ZNF385D: variants seen among roughly 807,000 people sequenced by gnomAD.
ZNF385D encodes zinc finger protein 659.
A neutral mutation model predicts 35.8 loss-of-function variants in ZNF385D; 15 were observed. The observed-to-expected ratio is 0.42, with a 90% confidence interval of 0.28 to 0.64. The LOEUF (loss-of-function observed/expected upper bound fraction) is 0.64. Among genes scored for constraint, ZNF385D ranks in the 30% least tolerant of loss-of-function variants. The pLI, the probability that ZNF385D is intolerant of heterozygous loss-of-function variation, is 0.23. For missense variants in ZNF385D, 474 were observed against 494.6 expected (o/e 0.96, Z 0.39); for synonymous variants, 212 against 186.8 (o/e 1.13, Z -1.10).
At chr3:21,693,046 A>G (rs1383214828) in intron 1 of ZNF385D, among the ~76,000 whole-genome samples, 1 of 152,172 alleles carries the variant, frequency 6.6e-6, no homozygotes, top group Admixed American at 6.5e-5. Flanking sequence ...ATTTGTGGCA[A>G]CTAGCATCAC....
chr3:21,482,293 T>C (rs977287618), intron 4 of ZNF385D, among the ~76,000 whole-genome samples: 1 of 106,272 alleles, frequency 9.4e-6, no homozygotes, highest in Non-Finnish European at 2.1e-5. Context: ...TAATACACTG[T>C]CTGTTTTTCT....
intron 3 of ZNF385D, among the ~76,000 whole-genome samples, chr3:21,759,932 C>T (rs1338196930): frequency 1.3e-5 from 2 of 152,236 alleles, no homozygotes; most frequent in Non-Finnish European, 2.9e-5. Flanking sequence ...CCCAATGTTG[C>T]AAGAATTCAC....
At position 21,851,763 on chromosome 3, in the gene ZNF385D, T is replaced by C. The variant is rs187020768; in HGVS notation, c.326-186735A>G. Among the ~76,000 whole-genome samples the C allele has an allele frequency of 9.5e-4, 145 of 152,168 alleles. 2 individuals carry two copies. Among genetic ancestry groups the C allele is most frequent in the Admixed American group, 9.4e-3 (144 of 15,264 alleles). The stretch of plus-strand genomic sequence containing the variant: ...GCATTTAAAAAGGTGCCAACTCAAC[T>C]ATGAGGCCAGTCAGTCTGTAGTCTC... On this transcript the variant is annotated intron_variant, in intron 3 of 5. Coordinates refer to the ZNF385D transcript ENST00000494108.
chr3:22,370,329 G>A (rs994464839), intron 2 of ZNF385D, among the ~76,000 whole-genome samples: 4 of 152,256 alleles, frequency 2.6e-5, no homozygotes, highest in Admixed American at 2.6e-4. Flanking sequence ...GGGCTATAAT[G>A]TAGCACTATT....
chr3:21,717,723 A>C (rs2125438169), intron 1 of ZNF385D, among the ~76,000 whole-genome samples: 1 of 151,748 alleles, frequency 6.6e-6, no homozygotes, highest in South Asian at 2.1e-4. Context: ...ATAAAGGGAA[A>C]CCCCTTTCAC....
chr3:21,633,971 G>A (rs1473854931), intron 2 of ZNF385D, among the ~76,000 whole-genome samples: 1 of 151,948 alleles, frequency 6.6e-6, no homozygotes, highest in African/African-American at 2.4e-5. Context: ...TCAGGCAGGT[G>A]GATTGCTTGA....
At chr3:22,156,072 G>C (rs1408232244) in intron 3 of ZNF385D, among the ~76,000 whole-genome samples, 1 of 152,010 alleles carries the variant, frequency 6.6e-6, no homozygotes, top group Non-Finnish European at 1.5e-5. Flanking sequence ...TATGTGACTT[G>C]TATGGGAAAA....
chr3:22,094,562 G>A (rs1178438940), intron 3 of ZNF385D, among the ~76,000 whole-genome samples: 1 of 151,714 alleles, frequency 6.6e-6, no homozygotes, highest in Non-Finnish European at 1.5e-5. Context: ...AAGCAGAGGT[G>A]GAAGGAAGAA....
chr3:22,000,423 T>A (rs1469316013), intron 3 of ZNF385D, among the ~76,000 whole-genome samples: 1 of 152,104 alleles, frequency 6.6e-6, no homozygotes, highest in Admixed American at 6.5e-5. Flanking sequence ...CATGGCAATG[T>A]CAGGAAGTTA....
At chr3:21,770,073 T>C (rs9852172) in intron 3 of ZNF385D, among the ~76,000 whole-genome samples, 41,310 of 151,962 alleles carry the variant, frequency 0.27, 6,102 homozygotes, top group East Asian at 0.41. Flanking sequence ...TTATACCTTA[T>C]ACAAAAATTA....
intron 3 of ZNF385D, among the ~76,000 whole-genome samples, chr3:21,956,711 T>C (rs1702310616): frequency 6.6e-6 from 1 of 151,904 alleles, no homozygotes; most frequent in African/African-American, 2.4e-5. Context: ...GTGTTATGGC[T>C]AAACATAATC....
intron 2 of ZNF385D, among the ~76,000 whole-genome samples, chr3:22,213,968 C>T (rs970602204): frequency 2.6e-5 from 4 of 151,936 alleles, no homozygotes; most frequent in East Asian, 1.9e-4. Flanking sequence ...TAGTAAAGAC[C>T]TATTCATCAC....
At chr3:22,314,661 T>C (rs1242926417) in intron 2 of ZNF385D, among the ~76,000 whole-genome samples, 2 of 152,174 alleles carry the variant, frequency 1.3e-5, no homozygotes, top group East Asian at 1.9e-4. Flanking sequence ...ATTTAAGATT[T>C]TCTTTACCCT....
At chr3:21,783,501 T>TA (rs2071571898) in intron 3 of ZNF385D, among the ~76,000 whole-genome samples, 1 of 152,136 alleles carries the variant, frequency 6.6e-6, no homozygotes, top group Non-Finnish European at 1.5e-5. Context: ...CCTTATTTTT[T>TA]ATCGACTGCC....
chr3:22,264,063 A>T (rs1256761905), intron 2 of ZNF385D, among the ~76,000 whole-genome samples: 8 of 152,020 alleles, frequency 5.3e-5, no homozygotes, highest in Admixed American at 1.3e-4. Flanking sequence ...CCAAAGGGAT[A>T]TGGAATGGAG....
rs140819823 is a variant in ZNF385D, at chr3:21,922,205, T to C, written c.325+246612A>G. Among the ~76,000 whole-genome samples the C allele has an allele frequency of 3.9e-3, 586 of 152,092 alleles. 2 individuals are homozygous for C. Among genetic ancestry groups the C allele is most frequent in the Non-Finnish European group, 5.9e-3 (400 of 67,958 alleles). ...AGAATCAATATATTTAAAATGGCCA[T>C]ACTGCCCAAAGCAATCTACAGATTC... is the stretch of plus-strand genomic sequence containing the variant. On this transcript the variant is annotated intron_variant, in intron 3 of 5. Transcript: ENST00000494108.
chr3:22,130,693 G>A (rs964691814), intron 3 of ZNF385D, among the ~76,000 whole-genome samples: 20 of 152,160 alleles, frequency 1.3e-4, no homozygotes, highest in African/African-American at 4.8e-4. Context: ...AGATAGGAGA[G>A]GGGCGGTGTA....
intron 3 of ZNF385D, among the ~76,000 whole-genome samples, chr3:21,766,302 C>G (rs1475828980): frequency 6.6e-6 from 1 of 152,006 alleles, no homozygotes; most frequent in Non-Finnish European, 1.5e-5. Context: ...TTTTGATGGT[C>G]AAACGTTTTA....
chr3:22,030,596 T>C (rs1315103012), intron 3 of ZNF385D, among the ~76,000 whole-genome samples: 6 of 151,788 alleles, frequency 4.0e-5, no homozygotes, highest in Admixed American at 6.6e-5. Flanking sequence ...ACCATTTCTG[T>C]GTTCAAATCA....
Sources: allele counts gnomAD v4.1 joint callset (sites outside exome capture counted in the v4.1 genomes callset), GRCh38; gene constraint gnomAD v4.1.1; transcripts MANE v1.5; gene names NCBI Gene and HGNC (gene_info 2026-07-23, HGNC 2026-07-21).